LRRC56: variants seen among roughly 807,000 people sequenced by gnomAD.
LRRC56 encodes the protein leucine rich repeat containing 56, also known as leucine-rich repeat-containing protein 56.
LRRC56 carries 41 observed loss-of-function variants against 47.8 expected under a neutral mutation model. The ratio of observed to expected loss-of-function variants is 0.86; its 90% confidence interval spans 0.67 to 1.11. LRRC56 has a LOEUF of 1.11. Among genes scored for constraint, LRRC56 ranks in the 50% most tolerant of loss-of-function variants. The pLI is 0.00. For synonymous variants in LRRC56, 387 were observed against 311.2 expected (o/e 1.24, Z -2.56); for missense variants, 759 against 704.2 (o/e 1.08, Z -0.88).
At chr11:532,404 G>A in the LRRC56 span, 2 of 633,038 alleles carry the variant, frequency 3.2e-6, no homozygotes, top group Non-Finnish European at 2.8e-6. Flanking sequence ...TCGGCCCACG[G>A]TCCCGGGGTG....
chr11:535,984 T>TAC (rs1354430067), upstream of LRRC56, among the ~76,000 whole-genome samples: 1 of 152,110 alleles, frequency 6.6e-6, no homozygotes, highest in African/African-American at 2.4e-5. Context: ...GGGGAAAGGC[T>TAC]GGGATCCGCC....
At chr11:536,343 T>C (rs1851493620), upstream of LRRC56, among the ~76,000 whole-genome samples, 1 of 152,246 alleles carries the variant, frequency 6.6e-6, no homozygotes, top group Non-Finnish European at 1.5e-5. Flanking sequence ...TACCCACAAG[T>C]TGCCACAGGG....
intron 5 of LRRC56, among the ~76,000 whole-genome samples, chr11:542,433 A>G (rs1355433476): frequency 6.6e-6 from 1 of 152,068 alleles, no homozygotes; most frequent in Non-Finnish European, 1.5e-5. Context: ...CAACATAGCA[A>G]GACCCCTGTG....
Position 551,794 on chromosome 11 carries a change from G to A in LRRC56, c.940G>A (p.Ala314Thr), listed in dbSNP as rs1265800471. 1.9e-6 allele frequency: 3 copies of A among 1,608,606 alleles called. No homozygotes were observed. The highest frequency in any genetic ancestry group is 2.5e-6 in the Non-Finnish European group (3 of 1,177,566). ...TGAAGGCCTGCTTTCTGAGGACCTG[G>A]CCCCAGAAGATAACACCAGCAGCCT... The part of the protein sequence containing the change: ...LPEGLLSEDL[A>T]PEDNTSSLTH... The change falls in exon 10 of 14, where the codon GCC becomes ACC. Residue 314 changes from alanine (A) to threonine (T), a missense_variant. Transcript: ENST00000270115.
upstream of LRRC56, chr11:533,634 C>A (rs2133988405): frequency 1.2e-6 from 2 of 1,613,582 alleles, no homozygotes; most frequent in South Asian, 1.1e-5. Flanking sequence ...AAAGCGAGAG[C>A]TGGCTACGGG....
At chr11:537,357 C>T (rs542733989), upstream of LRRC56, 68 of 152,362 alleles carry the variant, frequency 4.5e-4, no homozygotes, top group African/African-American at 1.6e-3. Flanking sequence ...CGCCCACGCA[C>T]GTGCCAGTCC....
chr11:536,990 G>A (rs1461897745), upstream of LRRC56: 1 of 152,176 alleles, frequency 6.6e-6, no homozygotes, highest in Non-Finnish European at 1.5e-5. Context: ...GCGGCAGCGT[G>A]TCCCGCGGGC....
At chr11:517,343 C>G in the LRRC56 span, among the ~76,000 whole-genome samples, 2 of 151,514 alleles carry the variant, frequency 1.3e-5, no homozygotes, top group Non-Finnish European at 2.9e-5. Context: ...TCTGCCCGGC[C>G]GCCCGGTCTG....
chr11:554,566 T>C lies in LRRC56; in HGVS notation c.*290T>C. On this transcript the variant is annotated 3_prime_UTR_variant, in exon 14 of 14. Transcript: ENST00000270115. ...CCGCGGGCACGGGGGTGGGGGGTGG[T>C]CACCCGAGCAGGCCTGTGAGAGGCC... is the stretch of plus-strand genomic sequence containing the variant. 2 of 411,506 alleles carry C rather than the reference T, an allele frequency of 4.9e-6. No individual in the cohort carries two copies. The highest frequency in any genetic ancestry group is 4.3e-6 in the Non-Finnish European group (1 of 232,308). 25.5% of individuals were successfully genotyped at this position (411,506 alleles called of 1,614,324 possible).
At chr11:516,825 A>C in the LRRC56 span, among the ~76,000 whole-genome samples, 1 of 152,186 alleles carries the variant, frequency 6.6e-6, no homozygotes, top group Non-Finnish European at 1.5e-5. Flanking sequence ...CAGCAGGCTT[A>C]TAAAGCTTTT....
the LRRC56 span, among the ~76,000 whole-genome samples, chr11:512,663 C>T: frequency 1.3e-5 from 2 of 152,216 alleles, no homozygotes; most frequent in Admixed American, 1.3e-4. Context: ...CTAACTTTGC[C>T]TATTTTGAAC....
At chr11:542,693 G>A (rs572380985) in intron 5 of LRRC56, among the ~76,000 whole-genome samples, 7 of 151,278 alleles carry the variant, frequency 4.6e-5, no homozygotes, top group South Asian at 2.1e-4. Flanking sequence ...CGTGCACAGC[G>A]CGTCAGGCCA....
the LRRC56 span, among the ~76,000 whole-genome samples, chr11:531,397 C>T: frequency 2.6e-5 from 4 of 152,186 alleles, no homozygotes; most frequent in African/African-American, 9.7e-5. Flanking sequence ...TGTGGGCCCC[C>T]AGCAGAAGCC....
intron 12 of LRRC56, 121 bp from the exon 13 acceptor site, chr11:552,448 G>T: frequency 2.6e-6 from 3 of 1,161,116 alleles, no homozygotes; most frequent in Non-Finnish European, 3.6e-6. Context: ...CCCGTGGGGG[G>T]ATCAGGGCTG....
the LRRC56 span, among the ~76,000 whole-genome samples, chr11:516,807 A>G: frequency 6.6e-6 from 1 of 152,198 alleles, no homozygotes; most frequent in African/African-American, 2.4e-5. Flanking sequence ...AAGGCATTTG[A>G]CAGAATCCAG....
At chr11:513,179 T>C in the LRRC56 span, among the ~76,000 whole-genome samples, 89 of 152,236 alleles carry the variant, frequency 5.8e-4, 1 homozygote, top group Non-Finnish European at 2.2e-4. Flanking sequence ...CGCTCTGCTC[T>C]TCCAGTTTGA....
At chr11:527,945 G>A in the LRRC56 span, among the ~76,000 whole-genome samples, 3 of 150,284 alleles carry the variant, frequency 2.0e-5, no homozygotes, top group East Asian at 2.0e-4. Flanking sequence ...CAGGTGATCC[G>A]CCCGCCTCGG....
chr11:514,910 G>A, the LRRC56 span, among the ~76,000 whole-genome samples: 52 of 152,262 alleles, frequency 3.4e-4, no homozygotes, highest in South Asian at 7.0e-3. Flanking sequence ...TTTTCTCCCC[G>A]GCTGGTTGCT....
the LRRC56 span, among the ~76,000 whole-genome samples, chr11:510,792 C>A: frequency 6.6e-6 from 1 of 151,912 alleles, no homozygotes; most frequent in Non-Finnish European, 1.5e-5. Context: ...ACCTGTAATC[C>A]CAGCTACTTG....
Sources: allele counts gnomAD v4.1 joint callset (sites outside exome capture counted in the v4.1 genomes callset), GRCh38; gene constraint gnomAD v4.1.1; transcripts MANE v1.5; gene names NCBI Gene and HGNC (gene_info 2026-07-23, HGNC 2026-07-21).